The following PCDHA1 variants were observed in gnomAD, a reference collection of about 807,000 sequenced individuals.
PCDHA1 encodes the protein protocadherin alpha 1.
PCDHA1 carries 42 observed loss-of-function variants against 61.3 expected under a neutral mutation model. The observed-to-expected ratio is 0.69, with a 90% CI of 0.54 to 0.89. The LOEUF (loss-of-function observed/expected upper bound fraction) is 0.89, where lower values mean the gene tolerates loss of function less well. Among genes scored for constraint, PCDHA1 ranks in the 40% least tolerant of loss-of-function variants. The pLI, the probability that PCDHA1 is intolerant of heterozygous loss-of-function variation, is 0.00. For synonymous variants in PCDHA1, 610 were observed against 553.8 expected, an observed-to-expected ratio of 1.10 and a Z score of -1.43; for missense variants, 1,256 against 1,235.3, an observed-to-expected ratio of 1.02 and a Z score of -0.25.
At chr5:140,882,698 G>T in intron 1 of PCDHA1, 1 of 1,614,200 alleles carries the variant, frequency 6.2e-7, no homozygotes, top group Non-Finnish European at 8.5e-7. Context: ...AATCATTGCA[G>T]AATCTAGACC....
intron 1 of PCDHA1, among the ~76,000 whole-genome samples, chr5:140,940,208 A>T (rs1193106137): frequency 6.6e-6 from 1 of 152,164 alleles, no homozygotes; most frequent in Non-Finnish European, 1.5e-5. Flanking sequence ...AAAATTCAAG[A>T]TTGGCATTTA....
At chr5:140,993,569 A>G (rs1311165766) in intron 3 of PCDHA1, among the ~76,000 whole-genome samples, 1 of 151,734 alleles carries the variant, frequency 6.6e-6, no homozygotes, top group East Asian at 1.9e-4. Flanking sequence ...TATCCTTTCT[A>G]GGGATGCTTT....
At chr5:140,846,373 CTTTT>C (rs374699051) in intron 1 of PCDHA1, among the ~76,000 whole-genome samples, 1 of 55,152 alleles carries the variant, frequency 1.8e-5, no homozygotes, top group Admixed American at 2.3e-4. Flanking sequence ...TTCTTTCTTT[CTTTT>C]TTTTTTTTTT....
chr5:140,803,139 C>T, intron 1 of PCDHA1: 1 of 1,613,886 alleles, frequency 6.2e-7, no homozygotes. Flanking sequence ...CCATCGCCTA[C>T]TGGTGCTGGT....
intron 1 of PCDHA1, chr5:140,795,760 GC>G: frequency 6.2e-7 from 1 of 1,613,936 alleles, no homozygotes; most frequent in Non-Finnish European, 8.5e-7. Flanking sequence ...TAAGTTAAAC[GC>G]TTCTGATGCA....
At chr5:140,857,925 A>G (rs1291686886) in intron 1 of PCDHA1, 2 of 1,597,800 alleles carry the variant, frequency 1.3e-6, no homozygotes. Context: ...GTGGGGCTGT[A>G]CACGGGCGAG....
chr5:140,824,225 A>T, intron 1 of PCDHA1: 1 of 1,554,028 alleles, frequency 6.4e-7, no homozygotes, highest in Non-Finnish European at 8.9e-7. Flanking sequence ...ATTATGTCTT[A>T]GTACACAAAT....
At chr5:140,861,743 C>T in intron 1 of PCDHA1, 1 of 152,806 alleles carries the variant, frequency 6.5e-6, no homozygotes, top group Non-Finnish European at 1.4e-5. Context: ...CATACTGTGC[C>T]GCAATGATTA....
rs1554178015 is a variant in PCDHA1 at position 140,883,392 on chromosome 5, C to A, written c.2394+94708C>A. 1.9e-6 allele frequency: 3 copies of A among 1,614,184 alleles called. No individual in the cohort carries two copies. The East Asian group carries it at 6.7e-5, about 36-fold the overall frequency. ...GCCATTATTGCCCTAATCAGTGTGT[C>A]CGATCGTGACTCTGGCTCAAATGGA... is the stretch of plus-strand genomic sequence containing the variant. On this transcript the variant is annotated intron_variant, in intron 1 of 3. Transcript: ENST00000504120.
intron 3 of PCDHA1, among the ~76,000 whole-genome samples, chr5:140,983,328 T>G (rs1214241110): frequency 6.6e-6 from 1 of 152,218 alleles, no homozygotes; most frequent in East Asian, 1.9e-4. Flanking sequence ...ATTCTTGCCC[T>G]ATCACTAAAG....
At position 140,788,235 on chromosome 5, in the gene PCDHA1, G is replaced by A; in HGVS notation, c.1945G>A (p.Val649Met). The A allele has an allele frequency of 1.2e-6, 2 of 1,614,058 alleles. No individual in the cohort carries two copies. Residue 649 changes from valine (V) to methionine (M), a missense_variant, in exon 1 of 4, where the codon GTG becomes ATG. Val to Met is a conservative substitution (Grantham distance 21). Transcript: ENST00000504120. ...EADLSRYRLL[V>M]LVKDHGEPAL... ...TGACTTGTCGCGCTACCGCCTTCTG[G>A]TGCTAGTGAAGGATCACGGTGAGCC... is the stretch of plus-strand genomic sequence containing the variant.
At chr5:140,956,788 G>T (rs2095310590) in intron 1 of PCDHA1, among the ~76,000 whole-genome samples, 1 of 152,094 alleles carries the variant, frequency 6.6e-6, no homozygotes, top group African/African-American at 2.4e-5. Flanking sequence ...GGCTTTGTTT[G>T]CTTGGTGGGC....
intron 1 of PCDHA1, chr5:140,828,033 C>T (rs1769495169): frequency 2.0e-6 from 3 of 1,525,942 alleles, no homozygotes; most frequent in South Asian, 2.6e-5. Flanking sequence ...CCGGAACATA[C>T]AGTATTTTAT....
chr5:140,971,799 TTA>T (rs1435483264), intron 1 of PCDHA1, among the ~76,000 whole-genome samples: 2 of 152,164 alleles, frequency 1.3e-5, no homozygotes, highest in East Asian at 3.8e-4. Flanking sequence ...ATATTGAATA[TTA>T]TAATATTGAA....
At chr5:140,924,767 C>T (rs782265529) in intron 1 of PCDHA1, among the ~76,000 whole-genome samples, 3 of 151,618 alleles carry the variant, frequency 2.0e-5, no homozygotes, top group South Asian at 2.1e-4. Flanking sequence ...TGGTGGTGCG[C>T]GCTTGTAGTC....
At chr5:140,802,748 G>A in intron 1 of PCDHA1, 1 of 1,612,602 alleles carries the variant, frequency 6.2e-7, no homozygotes, top group Non-Finnish European at 8.5e-7. Context: ...GCGGCAAGGT[G>A]TACGCGCTGC....
intron 1 of PCDHA1, among the ~76,000 whole-genome samples, chr5:140,941,214 C>CCTTCCTTTCTTTCTTTCTTTCTTT (rs1554214040): frequency 1.1e-4 from 13 of 122,412 alleles, no homozygotes; most frequent in Non-Finnish European, 1.5e-4. Flanking sequence ...TTTCTTTCTT[C>CCTTCCTTTCTTTCTTTCTTTCTTT]CTTTCTTTCT....
intron 1 of PCDHA1, among the ~76,000 whole-genome samples, chr5:140,818,240 C>G (rs1292675833): frequency 1.3e-5 from 2 of 152,008 alleles, no homozygotes; most frequent in Non-Finnish European, 2.9e-5. Context: ...CTTTTATGTG[C>G]CATTTCTGTT....
intron 1 of PCDHA1, chr5:140,928,231 CA>C: frequency 6.2e-7 from 1 of 1,614,226 alleles, no homozygotes; most frequent in Non-Finnish European, 8.5e-7. Flanking sequence ...AAACTTTCCT[CA>C]ACCCCAGCAG....
Sources: gnomAD v4.1 joint callset for allele counts (sites outside exome capture counted in the v4.1 genomes callset) on GRCh38, gnomAD v4.1.1 for gene constraint, MANE v1.5 for transcripts, NCBI Gene and HGNC (gene_info 2026-07-23, HGNC 2026-07-21) for gene names.